Variants in DPP6 observed in about 807,000 individuals in gnomAD.
The protein encoded by DPP6 is dipeptidyl peptidase like 6.
Under a neutral mutation model 122.6 loss-of-function variants are expected in DPP6, and 69 were observed. That is an observed-to-expected ratio of 0.56 (90% confidence interval 0.46 to 0.69). DPP6 has a LOEUF of 0.69. DPP6 is among the 30% of genes least tolerant of loss of function. DPP6 has a pLI of 0.00. For synonymous variants in DPP6, 418 were observed against 433.1 expected, an observed-to-expected ratio of 0.97 and a Z score of 0.43; for missense variants, 928 against 1,116.9, an observed-to-expected ratio of 0.83 and a Z score of 2.41.
rs58318368 is a variant in DPP6 at position 154,854,035 on chromosome 7, C to T, written c.1714+208C>T. Among the ~76,000 whole-genome samples the T allele has an allele frequency of 3.6e-3, 551 of 152,338 alleles. 4 individuals are homozygous for T. The highest frequency in any genetic ancestry group is 0.012 in the African/African-American group (487 of 41,576). On this transcript the variant is annotated intron_variant, in intron 17 of 25. Transcript: ENST00000377770. ...CGCATACCCCTGCCAGAGGGCCCCA[C>T]ACCCCTTCACAAGTGCTGAGCCTGG...
intron 1 of DPP6, among the ~76,000 whole-genome samples, chr7:154,445,008 C>T (rs1433614875): frequency 1.3e-5 from 2 of 152,110 alleles, no homozygotes; most frequent in Non-Finnish European, 2.9e-5. Flanking sequence ...TATAATGGCC[C>T]CATGAATTTT....
chr7:154,119,745 G>A (rs1219162687), intron 1 of DPP6, among the ~76,000 whole-genome samples: 1 of 146,914 alleles, frequency 6.8e-6, no homozygotes, highest in East Asian at 2.0e-4. Context: ...TTCATTTTAA[G>A]ACAAAGAGGG....
chr7:154,139,024 G>A (rs1795715534), intron 1 of DPP6, among the ~76,000 whole-genome samples: 1 of 152,030 alleles, frequency 6.6e-6, no homozygotes, highest in Non-Finnish European at 1.5e-5. Context: ...AGAGGAAGTA[G>A]GTGTGGCCAG....
chr7:154,301,314 C>T (rs1805883489), intron 1 of DPP6, among the ~76,000 whole-genome samples: 1 of 152,202 alleles, frequency 6.6e-6, no homozygotes, highest in African/African-American at 2.4e-5. Context: ...AGCACCTCTT[C>T]TGTGCAAGGC....
intron 1 of DPP6, among the ~76,000 whole-genome samples, chr7:154,390,138 A>C (rs75275380): frequency 6.6e-6 from 1 of 152,340 alleles, no homozygotes; most frequent in East Asian, 1.9e-4. Context: ...ACTGCATGCC[A>C]GTTAGCTTAT....
chr7:154,794,876 A>G (rs1393542801), intron 11 of DPP6, among the ~76,000 whole-genome samples: 1 of 73,904 alleles, frequency 1.4e-5, no homozygotes, highest in Non-Finnish European at 2.7e-5. Flanking sequence ...CGATTAATAC[A>G]TTCAGGCAGG....
intron 1 of DPP6, among the ~76,000 whole-genome samples, chr7:154,199,970 G>A (rs1203251471): frequency 6.6e-6 from 1 of 152,100 alleles, no homozygotes; most frequent in Non-Finnish European, 1.5e-5. Flanking sequence ...GCAGAGCCCC[G>A]CCCGTAATGC....
intron 2 of DPP6, among the ~76,000 whole-genome samples, chr7:154,450,670 C>T (rs1820283381): frequency 6.6e-6 from 1 of 152,170 alleles, no homozygotes. Flanking sequence ...GCTTCAATGC[C>T]CAGGAAACAG....
intron 10 of DPP6, among the ~76,000 whole-genome samples, chr7:154,791,860 C>T (rs1399496771): frequency 1.3e-5 from 2 of 152,178 alleles, no homozygotes; most frequent in Non-Finnish European, 2.9e-5. Context: ...ATTTCCAGCA[C>T]GATTTGTTCT....
intron 21 of DPP6, chr7:154,883,524 T>TCA (rs138182592): frequency 0.29 from 34,141 of 116,942 alleles, 5,959 homozygotes; most frequent in East Asian, 0.51. Context: ...ATACACATGC[T>TCA]CACACACGCT....
At chr7:154,820,011 G>T (rs935879342) in intron 16 of DPP6, among the ~76,000 whole-genome samples, 1 of 152,192 alleles carries the variant, frequency 6.6e-6, no homozygotes, top group African/African-American at 2.4e-5. Context: ...GAGCTGTGCC[G>T]CAGGTGGCCA....
intron 1 of DPP6, among the ~76,000 whole-genome samples, chr7:154,170,538 C>T (rs965409513): frequency 1.1e-4 from 16 of 152,172 alleles, no homozygotes; most frequent in Admixed American, 2.0e-4. Flanking sequence ...GGCAGACGTG[C>T]CCTTTGATGT....
At chr7:154,707,459 C>T (rs1325595450) in intron 7 of DPP6, among the ~76,000 whole-genome samples, 1 of 152,120 alleles carries the variant, frequency 6.6e-6, no homozygotes, top group Admixed American at 6.5e-5. Flanking sequence ...GGTTAATCAT[C>T]AGCCTAAAAT....
intron 1 of DPP6, among the ~76,000 whole-genome samples, chr7:153,932,625 T>C (rs965905021): frequency 8.5e-5 from 13 of 152,182 alleles, no homozygotes; most frequent in African/African-American, 3.1e-4. Context: ...GCATTGTTCA[T>C]TAAACTTCCT....
rs1202755543 is a variant in DPP6 at position 154,403,563 on chromosome 7, G to A, written c.244-42651G>A. Among the ~76,000 whole-genome samples the A allele has an allele frequency of 6.6e-6, 1 of 152,210 alleles. No individual in the cohort carries two copies. Among genetic ancestry groups the A allele is most frequent in the African/African-American group, 2.4e-5 (1 of 41,458 alleles). ...CTCCTGTGCATCCAACTCTGGGCTG[G>A]GAAAGCAAAGAGCACTGGGCAATCA... On this transcript the variant is annotated intron_variant, in intron 1 of 25. Coordinates refer to ENST00000377770, the MANE Select transcript of DPP6 (RefSeq NM_130797.4). This position sits in a 1 kb window ranked among gnomAD's most constrained non-coding sequence, Gnocchi z 4.1.
intron 10 of DPP6, among the ~76,000 whole-genome samples, chr7:154,789,172 C>T (rs774411116): frequency 4.9e-4 from 75 of 152,170 alleles, no homozygotes; most frequent in Non-Finnish European, 7.5e-4. Context: ...AGCTCTTCTC[C>T]GGTGTAAATC....
chr7:154,691,080 G>T (rs71534161), intron 7 of DPP6, among the ~76,000 whole-genome samples: 3,884 of 152,276 alleles, frequency 0.026, 61 homozygotes, highest in Non-Finnish European at 0.04. Flanking sequence ...AAAGTGTTTT[G>T]GTGCAACTCA....
chr7:154,847,788 T>C (rs1802060462), intron 16 of DPP6, among the ~76,000 whole-genome samples: 1 of 152,186 alleles, frequency 6.6e-6, no homozygotes, highest in Non-Finnish European at 1.5e-5. Flanking sequence ...ACTGAAACTG[T>C]GTACCCTTCG....
intron 1 of DPP6, among the ~76,000 whole-genome samples, chr7:154,087,106 G>A: frequency 6.6e-6 from 1 of 151,648 alleles, no homozygotes; most frequent in Non-Finnish European, 1.5e-5. Flanking sequence ...TAAAGTGTCA[G>A]TAGGTGCTCA....
Sources: allele counts gnomAD v4.1 joint callset (sites outside exome capture counted in the v4.1 genomes callset), GRCh38; gene constraint gnomAD v4.1.1; non-coding constraint Gnocchi (gnomAD v3.1); transcripts MANE v1.5; gene names NCBI Gene and HGNC (gene_info 2026-07-23, HGNC 2026-07-21).